Variants in TCEA1 observed in about 807,000 individuals in gnomAD.
TCEA1 encodes the protein transcription elongation factor A protein 1.
A neutral mutation model predicts 43.8 loss-of-function variants in TCEA1; 21 were observed. The ratio of observed to expected loss-of-function variants is 0.48; its 90% CI spans 0.34 to 0.69. The LOEUF is 0.69. TCEA1 is among the 30% of genes least tolerant of loss of function. The probability of loss-of-function intolerance (pLI) is 0.01; values close to 1 mark genes in which losing one functional copy is unlikely to be tolerated. For synonymous variants in TCEA1, 104 were observed against 117.5 expected, an observed-to-expected ratio of 0.88 and a Z score of 0.75; for missense variants, 250 against 365.1, an observed-to-expected ratio of 0.68 and a Z score of 2.57.
At chr8:53,983,088 C>T (rs1054894356) in intron 7 of TCEA1, among the ~76,000 whole-genome samples, 1 of 152,186 alleles carries the variant, frequency 6.6e-6, no homozygotes, top group Non-Finnish European at 1.5e-5. Flanking sequence ...CGTCAACATC[C>T]AGGCAATTCC....
rs934160188 is a variant in TCEA1, at chr8:53,982,942, C to T, written c.678+1421G>A. On this transcript the variant is annotated intron_variant, in intron 7 of 9. Transcript: ENST00000521604. ...TCTACTATGGATAAATGCTATTAAA[C>T]AGCATCACAGGCTACCAAGAAATAT... Among the ~76,000 whole-genome samples the T allele has an allele frequency of 5.9e-5, 9 of 152,334 alleles. 1 individual carries two copies. The highest frequency in any genetic ancestry group is 6.8e-3 in the Middle Eastern group (2 of 294).
chr8:53,999,798 C>T (rs529661923), intron 3 of TCEA1, 147 bp downstream of exon 3: 19 of 608,472 alleles, frequency 3.1e-5, no homozygotes, highest in Non-Finnish European at 4.3e-5. Flanking sequence ...AATTAACTCC[C>T]CTCGCCTTTA....
intron 3 of TCEA1, among the ~76,000 whole-genome samples, chr8:53,994,727 C>T (rs1005715839): frequency 6.6e-6 from 1 of 151,870 alleles, no homozygotes; most frequent in African/African-American, 2.4e-5. Flanking sequence ...AAAAATTAGC[C>T]GGGCGTGGTG....
intron 2 of TCEA1, among the ~76,000 whole-genome samples, chr8:54,007,619 T>C (rs535613873): frequency 6.5e-4 from 99 of 152,366 alleles, no homozygotes; most frequent in African/African-American, 2.2e-3. Flanking sequence ...ATACTGGTAA[T>C]ACAACTGTGG....
At position 53,977,101 on chromosome 8, in the gene TCEA1, C is replaced by T. The variant is rs889982665; in HGVS notation, c.825+1924G>A. ...TTGGGAGGCTGAGACAGGCAGATCA[C>T]GAGGTCAGGAGATCGAGACCACCCT... On this transcript the variant is annotated intron_variant, in intron 8 of 9. Transcript: ENST00000521604. Among the ~76,000 whole-genome samples the T allele has an allele frequency of 3.9e-5, 6 of 152,122 alleles. No individual in the cohort carries two copies. The South Asian group carries it at 1.0e-3, about 26-fold the overall frequency.
At chr8:54,016,426 C>T (rs1289932528) in intron 1 of TCEA1, among the ~76,000 whole-genome samples, 2 of 151,962 alleles carry the variant, frequency 1.3e-5, no homozygotes, top group African/African-American at 4.8e-5. Context: ...AGCCATCACA[C>T]CACTGCACTC....
chr8:53,981,784 ACT>A (rs908897871), intron 7 of TCEA1, among the ~76,000 whole-genome samples: 4 of 148,474 alleles, frequency 2.7e-5, no homozygotes, highest in Admixed American at 2.0e-4. Flanking sequence ...ACAGGATTTC[ACT>A]CTGTCACCCA....
chr8:54,005,448 T>C (rs6473901), intron 2 of TCEA1, among the ~76,000 whole-genome samples: 19,189 of 152,176 alleles, frequency 0.13, 3,193 homozygotes, highest in African/African-American at 0.39. Context: ...ACTTGTTTCA[T>C]AGGCATCTCA....
At chr8:54,018,515 C>T (rs549781969) in intron 1 of TCEA1, among the ~76,000 whole-genome samples, 155 of 152,300 alleles carry the variant, frequency 1.0e-3, no homozygotes, top group Non-Finnish European at 1.4e-3. Context: ...TTAGTGATGA[C>T]AAAGAACTTG....
chr8:53,988,830 GC>G lies in TCEA1; in HGVS notation c.321-572del, dbSNP rs1234317918. On this transcript the variant is annotated intron_variant, in intron 4 of 9. Transcript: ENST00000521604. Reference sequence around the variant, plus strand: ...AGCTGTAATCCCAGCACTTTGGGAGGCCAAGAGAGGCAGATCACTTGAGGCC... The same window carrying G: ...AGCTGTAATCCCAGCACTTTGGGAGGCAAGAGAGGCAGATCACTTGAGGCC... Among the ~76,000 whole-genome samples the G allele has an allele frequency of 2.0e-5, 3 of 152,182 alleles. No homozygotes were observed. In the East Asian group the frequency reaches 5.8e-4, roughly 29 times the overall value.
At chr8:54,003,894 A>G (rs1167167382) in intron 2 of TCEA1, among the ~76,000 whole-genome samples, 1 of 152,114 alleles carries the variant, frequency 6.6e-6, no homozygotes, top group African/African-American at 2.4e-5. Flanking sequence ...ATGTCTGATA[A>G]GCGACTTGTA....
At chr8:54,013,476 C>T (rs1247245618) in intron 1 of TCEA1, among the ~76,000 whole-genome samples, 1 of 151,912 alleles carries the variant, frequency 6.6e-6, no homozygotes, top group Non-Finnish European at 1.5e-5. Flanking sequence ...CTCAGGAGTT[C>T]GAGACCAGCC....
At chr8:53,971,794 TA>T in intron 8 of TCEA1, 1 of 241,246 alleles carries the variant, frequency 4.1e-6, no homozygotes, top group Non-Finnish European at 7.7e-6. Flanking sequence ...AAAAAAGAAA[TA>T]TTCAAAAAAA....
chr8:53,996,696 A>T (rs1804061628), intron 3 of TCEA1, among the ~76,000 whole-genome samples: 1 of 152,188 alleles, frequency 6.6e-6, no homozygotes, highest in African/African-American at 2.4e-5. Context: ...AACCAATAAA[A>T]ATAATAGTTA....
intron 8 of TCEA1, among the ~76,000 whole-genome samples, chr8:53,975,113 A>T (rs920065427): frequency 8.7e-6 from 1 of 114,886 alleles, no homozygotes; most frequent in African/African-American, 4.7e-5. Context: ...GCACTGATTT[A>T]TTTTATACAT....
At chr8:54,011,603 G>A (rs1804654610) in intron 1 of TCEA1, among the ~76,000 whole-genome samples, 1 of 152,170 alleles carries the variant, frequency 6.6e-6, no homozygotes, top group Non-Finnish European at 1.5e-5. Flanking sequence ...TATGAAAACA[G>A]GCACCCTACA....
intron 3 of TCEA1, among the ~76,000 whole-genome samples, chr8:53,997,777 C>T (rs942569433): frequency 1.3e-5 from 2 of 152,148 alleles, no homozygotes; most frequent in African/African-American, 4.8e-5. Flanking sequence ...CGGATGCTTG[C>T]AATTCCAGCT....
rs931817386 is a variant in TCEA1 at position 53,981,742 on chromosome 8, G to A, written c.679-2571C>T. ...TTGATTCTGCAGTTCATGAATCAAG[G>A]AGTAATTCTGACTTTTTTTTTTTTT... On this transcript the variant is annotated intron_variant, in intron 7 of 9. Coordinates refer to ENST00000521604, the MANE Select transcript of TCEA1 (RefSeq NM_006756.4). 2.0e-5 allele frequency among the ~76,000 whole-genome samples: 3 copies of A among 151,596 alleles called. No homozygotes were observed. The East Asian group carries it at 5.8e-4, about 29-fold the overall frequency.
At chr8:54,022,042 C>G (rs560984478) in intron 1 of TCEA1, 21 bp downstream of exon 1, 5 of 1,580,052 alleles carry the variant, frequency 3.2e-6, no homozygotes, top group East Asian at 2.5e-5. Context: ...CCTCCCGGCC[C>G]GCGCCGCTCG....
Sources: allele counts gnomAD v4.1 joint callset (sites outside exome capture counted in the v4.1 genomes callset), GRCh38; gene constraint gnomAD v4.1.1; transcripts MANE v1.5; gene names NCBI Gene and HGNC (gene_info 2026-07-23, HGNC 2026-07-21).